Variants in TIAM1 observed in about 807,000 individuals in gnomAD.
TIAM1 encodes the protein rho guanine nucleotide exchange factor TIAM1.
TIAM1 carries 65 observed loss-of-function variants against 163.5 expected under a neutral mutation model. That is an observed-to-expected ratio of 0.40 (90% confidence interval 0.33 to 0.49). The LOEUF (loss-of-function observed/expected upper bound fraction) is 0.49. Among genes scored for constraint, TIAM1 ranks in the 20% least tolerant of loss-of-function variants. TIAM1 has a pLI of 0.77. For synonymous variants in TIAM1, 833 were observed against 810.1 expected, an observed-to-expected ratio of 1.03 and a Z score of -0.48; for missense variants, 1,789 against 2,044.7, an observed-to-expected ratio of 0.87 and a Z score of 2.41.
chr21:31,273,733 T>C (rs2073168945), intron 3 of TIAM1, among the ~76,000 whole-genome samples: 1 of 152,174 alleles, frequency 6.6e-6, no homozygotes, highest in Non-Finnish European at 1.5e-5. Context: ...TAATTAGCTC[T>C]CAGGGGTAAG....
At chr21:31,344,540 G>C (rs192449522), upstream of TIAM1, among the ~76,000 whole-genome samples, 43 of 152,216 alleles carry the variant, frequency 2.8e-4, no homozygotes, top group African/African-American at 9.1e-4. Flanking sequence ...TACAGCACGT[G>C]GCAAAAAAGC....
At chr21:31,535,113 T>G (rs975664176) in intron 1 of TIAM1, among the ~76,000 whole-genome samples, 3 of 145,540 alleles carry the variant, frequency 2.1e-5, no homozygotes, top group Non-Finnish European at 3.0e-5. Context: ...CTGAGCGCAG[T>G]GGCTCACGCC....
Position 31,152,691 on chromosome 21 carries a change from T to C in TIAM1, c.3311A>G (p.Asp1104Gly), listed in dbSNP as rs751938883. ...FQVEFLKTLE[D>G]GVRLVPDLEK... ...CAAATCAGGTACCAGTCTCACTCCA[T>C]CTTCTAGAGTTTTAAGGAATTCTAC... The change falls in exon 19 of 28, where the codon GAT (aspartate) becomes GGT (glycine). Residue 1104 changes from aspartate to glycine, a missense_variant. Asp to Gly is a moderately conservative substitution (Grantham distance 94). Around this residue, in one of 5 missense-constraint regions of TIAM1, gnomAD observed 303 missense variants for 321.3 expected, o/e 0.94. Transcript: ENST00000541036. 3 of 1,614,198 alleles carry C rather than the reference T, an allele frequency of 1.9e-6. No homozygotes were observed. Among genetic ancestry groups the C allele is most frequent in the Non-Finnish European group, 2.5e-6 (3 of 1,180,020 alleles).
chr21:31,182,534 C>G lies in TIAM1; in HGVS notation c.2774G>C (p.Arg925Thr). 1 of 1,614,012 alleles carries G rather than the reference C, an allele frequency of 6.2e-7. No homozygotes were observed. Among genetic ancestry groups the G allele is most frequent in the Non-Finnish European group, 8.5e-7 (1 of 1,179,950 alleles). ...LSQPSLGLLV[R>T]TYPELEEGVE... ...TCCTTCCTCCAGCTCGGGGTAGGTCCTCACCAGGAGGCCCAGCGAGGGCTG... is the reference window on the plus strand; with the variant it reads ...TCCTTCCTCCAGCTCGGGGTAGGTCGTCACCAGGAGGCCCAGCGAGGGCTG... The change falls in exon 15 of 28, where the codon AGG becomes ACG. Residue 925 changes from arginine (R) to threonine (T), a missense_variant. This residue lies in a region of TIAM1 where 303 missense variants were observed against 321.3 expected (regional missense o/e 0.94). Transcript: ENST00000541036.
intron 2 of TIAM1, among the ~76,000 whole-genome samples, chr21:31,364,795 G>C (rs760180463): frequency 2.6e-5 from 4 of 152,244 alleles, no homozygotes; most frequent in Non-Finnish European, 4.4e-5. Context: ...TGATGGGGGA[G>C]GAAGGACAGA....
chr21:31,194,089 G>A (rs2085713550), intron 13 of TIAM1, among the ~76,000 whole-genome samples: 1 of 151,858 alleles, frequency 6.6e-6, no homozygotes, highest in Admixed American at 6.6e-5. Context: ...GACCCACTCG[G>A]GCACCCCTCT....
Position 31,556,963 on chromosome 21 carries a change from T to A in TIAM1, c.-422+1964A>T, listed in dbSNP as rs964424203. On this transcript the variant is annotated intron_variant, in intron 1 of 28. Coordinates refer to the TIAM1 transcript ENST00000286827. ...CTTAAATTTCATCTCTCCTAGAAAGTGTTCCCTCCTAACCTCCAGACATCT... is the reference window on the plus strand; with the variant it reads ...CTTAAATTTCATCTCTCCTAGAAAGAGTTCCCTCCTAACCTCCAGACATCT... Among the ~76,000 whole-genome samples, 6 of 152,326 alleles carry A rather than the reference T, an allele frequency of 3.9e-5. No individual in the cohort carries two copies. In the East Asian group the frequency reaches 1.2e-3, roughly 29 times the overall value.
At chr21:31,387,660 G>A (rs971925700) in intron 2 of TIAM1, among the ~76,000 whole-genome samples, 20 of 147,666 alleles carry the variant, frequency 1.4e-4, no homozygotes, top group African/African-American at 4.2e-4. Flanking sequence ...TTCTCTCTAC[G>A]GCTGCGGACG....
At chr21:31,542,903 G>T (rs577833085) in intron 1 of TIAM1, among the ~76,000 whole-genome samples, 26 of 152,206 alleles carry the variant, frequency 1.7e-4, no homozygotes, top group African/African-American at 6.3e-4. Flanking sequence ...GGGAGGCGGA[G>T]GTTGCAGTGA....
intron 2 of TIAM1, among the ~76,000 whole-genome samples, chr21:31,413,559 C>A (rs1205428910): frequency 6.6e-6 from 1 of 152,068 alleles, no homozygotes; most frequent in Non-Finnish European, 1.5e-5. Context: ...CATGAGCCAC[C>A]ACGCCCGGCC....
intron 4 of TIAM1, among the ~76,000 whole-genome samples, chr21:31,264,827 G>C (rs768794678): frequency 2.6e-5 from 4 of 152,162 alleles, no homozygotes; most frequent in Non-Finnish European, 4.4e-5. Flanking sequence ...GAAGTCTGCT[G>C]GTCAACCTTG....
intron 2 of TIAM1, among the ~76,000 whole-genome samples, chr21:31,310,882 T>A (rs2074899160): frequency 6.6e-6 from 1 of 152,202 alleles, no homozygotes; most frequent in Admixed American, 6.5e-5. Flanking sequence ...TCAAAATGTT[T>A]ATTTCTACAG....
At chr21:31,419,029 G>A (rs372865326) in intron 2 of TIAM1, among the ~76,000 whole-genome samples, 15 of 152,054 alleles carry the variant, frequency 9.9e-5, no homozygotes, top group Admixed American at 3.3e-4. Flanking sequence ...GAGATCTGCC[G>A]GGCACACCAG....
intron 2 of TIAM1, among the ~76,000 whole-genome samples, chr21:31,426,870 A>G (rs1428380944): frequency 2.0e-5 from 3 of 152,320 alleles, no homozygotes; most frequent in Middle Eastern, 3.4e-3. Flanking sequence ...AGAATATTTA[A>G]TAACATGCTA....
At chr21:31,388,096 A>G (rs947610162) in intron 2 of TIAM1, among the ~76,000 whole-genome samples, 1 of 148,100 alleles carries the variant, frequency 6.8e-6, no homozygotes, top group African/African-American at 2.5e-5. Context: ...CTAGAAGCCT[A>G]GCAGACGCCG....
chr21:31,395,071 C>G lies in TIAM1; in HGVS notation c.-368-55649G>C, dbSNP rs1433231090. Among the ~76,000 whole-genome samples, 2 of 152,050 alleles carry G rather than the reference C, an allele frequency of 1.3e-5. No individual in the cohort carries two copies. Among genetic ancestry groups the G allele is most frequent in the African/African-American group, 4.8e-5 (2 of 41,384 alleles). On this transcript the variant is annotated intron_variant, in intron 2 of 28. Transcript: ENST00000286827. This position sits in a 1 kb window ranked among gnomAD's most constrained non-coding sequence, Gnocchi z 7.5. Reference sequence around the variant, plus strand: ...TGGCCAACACAGTGAAACCCCGTATCTACCAAAAATACAAACATTAGCCAG... The same window carrying G: ...TGGCCAACACAGTGAAACCCCGTATGTACCAAAAATACAAACATTAGCCAG...
chr21:31,507,714 G>C (rs1645516041), intron 1 of TIAM1, among the ~76,000 whole-genome samples: 1 of 152,168 alleles, frequency 6.6e-6, no homozygotes, highest in African/African-American at 2.4e-5. Flanking sequence ...GGACAGACAG[G>C]AATCAGATCA....
intron 2 of TIAM1, among the ~76,000 whole-genome samples, chr21:31,413,270 T>TC (rs2043267906): frequency 7.5e-6 from 1 of 133,132 alleles, no homozygotes; most frequent in East Asian, 2.2e-4. Flanking sequence ...TTTTCTTTTT[T>TC]TTTTTTTTTT....
At chr21:31,213,557 G>T in intron 9 of TIAM1, 85 bp from the exon 10 acceptor site, 3 of 1,173,538 alleles carry the variant, frequency 2.6e-6, no homozygotes, top group Non-Finnish European at 3.8e-6. Context: ...AATGGGCATG[G>T]CTATGACAAA....
Sources: gnomAD v4.1 joint callset for allele counts (sites outside exome capture counted in the v4.1 genomes callset) on GRCh38, gnomAD v4.1.1 for gene constraint, gnomAD v4.1.1 regional missense constraint, Gnocchi (gnomAD v3.1) non-coding constraint, MANE v1.5 for transcripts, NCBI Gene and HGNC (gene_info 2026-07-23, HGNC 2026-07-21) for gene names.